SNX25: variants seen among roughly 807,000 people sequenced by gnomAD.
SNX25 encodes the protein sorting nexin-25.
In SNX25, 62 loss-of-function variants were observed where a neutral mutation model predicts 113.7. The ratio of observed to expected loss-of-function variants is 0.55; its 90% CI spans 0.44 to 0.67. The LOEUF (loss-of-function observed/expected upper bound fraction) is 0.67. Among genes scored for constraint, SNX25 ranks in the 30% least tolerant of loss-of-function variants. The probability of loss-of-function intolerance (pLI) is 0.00; values close to 1 mark genes in which losing one functional copy is unlikely to be tolerated. For synonymous variants in SNX25, 421 were observed against 436.2 expected, an observed-to-expected ratio of 0.97 and a Z score of 0.43; for missense variants, 1,014 against 1,161.0, an observed-to-expected ratio of 0.87 and a Z score of 1.84.
exon 1 of SNX25, chr4:185,204,291 A>G (rs925693842): frequency 2.0e-5 from 3 of 152,216 alleles, no homozygotes; most frequent in Admixed American, 6.5e-5. Flanking sequence ...TCGTGCGTTA[A>G]TAGGGAAAGC....
chr4:185,357,703 C>T lies in SNX25; in HGVS notation c.2617C>T (p.Leu873Phe), dbSNP rs1269557379. 3 of 1,613,906 alleles carry T rather than the reference C, an allele frequency of 1.9e-6. No homozygotes were observed. The highest frequency in any genetic ancestry group is 2.5e-6 in the Non-Finnish European group (3 of 1,179,990). Residue 873 changes from leucine (L) to phenylalanine (F), a missense_variant, in exon 16 of 19, where the codon CTC (leucine) becomes TTC (phenylalanine). Transcript: ENST00000652585. The part of the protein sequence containing the change: ...FKWVRRTLIA[L>F]VQVTFGRTIN... ...ATGGGTGAGAAGAACATTAATTGCC[C>T]TCGTTCAGGTCACTTTTGGAAGAAC...
At chr4:185,273,253 C>T (rs989960599) in intron 5 of SNX25, among the ~76,000 whole-genome samples, 1 of 152,144 alleles carries the variant, frequency 6.6e-6, no homozygotes, top group African/African-American at 2.4e-5. Context: ...AATAAAAATT[C>T]TGTATATTTA....
chr4:185,359,869 A>G (rs771649500), intron 16 of SNX25, among the ~76,000 whole-genome samples: 1 of 152,206 alleles, frequency 6.6e-6, no homozygotes, highest in Non-Finnish European at 1.5e-5. Context: ...ACAGGGATGG[A>G]GAAGAGGCAC....
intron 5 of SNX25, among the ~76,000 whole-genome samples, chr4:185,284,171 G>C (rs1209787094): frequency 5.9e-5 from 9 of 152,130 alleles, no homozygotes; most frequent in African/African-American, 1.4e-4. Flanking sequence ...GAAAAAAGTA[G>C]CATATCTTTA....
At position 185,210,513 on chromosome 4, in the gene SNX25, G is replaced by T. The variant is rs1401485818; in HGVS notation, c.429+258G>T. On this transcript the variant is annotated intron_variant, in intron 1 of 18. Coordinates refer to ENST00000652585, the MANE Select transcript of SNX25 (RefSeq NM_001378034.2). The surrounding 1 kb of genome is among the most constrained non-coding windows in gnomAD (Gnocchi z 4.4). ...TATTTACTGGGCTCTGTAGTCACTC[G>T]ACAACCATCCTCAGTCACAACCCTA... 6.6e-6 allele frequency among the ~76,000 whole-genome samples: 1 copy of T among 152,124 alleles called. No homozygotes were observed. The highest frequency in any genetic ancestry group is 2.4e-5 in the African/African-American group (1 of 41,448).
chr4:185,371,366 C>CT (rs1487981714), downstream of SNX25, among the ~76,000 whole-genome samples: 3 of 151,648 alleles, frequency 2.0e-5, no homozygotes, highest in African/African-American at 7.3e-5. Context: ...GGTGAAACCC[C>CT]GTCTCTACTA....
At chr4:185,236,317 T>G (rs1266321945) in intron 1 of SNX25, among the ~76,000 whole-genome samples, 1 of 151,988 alleles carries the variant, frequency 6.6e-6, no homozygotes, top group African/African-American at 2.4e-5. Flanking sequence ...GAGCCATGAC[T>G]GTGCCACTGC....
At chr4:185,314,856 CAAAA>C (rs35230364) in intron 7 of SNX25, among the ~76,000 whole-genome samples, 4 of 96,392 alleles carry the variant, frequency 4.1e-5, no homozygotes, top group East Asian at 2.9e-4. Flanking sequence ...GACTCTGTCT[CAAAA>C]AAAAAAAAAA....
At chr4:185,362,227 A>T in intron 17 of SNX25, 122 bp downstream of exon 17, 2 of 1,402,978 alleles carry the variant, frequency 1.4e-6, no homozygotes, top group South Asian at 3.6e-5. Context: ...AAAGGATCAT[A>T]CTCTTTTAAG....
intron 1 of SNX25, among the ~76,000 whole-genome samples, chr4:185,230,841 A>C (rs1318132872): frequency 6.6e-6 from 1 of 152,224 alleles, no homozygotes; most frequent in African/African-American, 2.4e-5. Context: ...GTGAATTAAG[A>C]ATATAAGGGA....
intron 1 of SNX25, among the ~76,000 whole-genome samples, chr4:185,222,414 TC>T (rs1317950598): frequency 1.3e-5 from 2 of 151,142 alleles, no homozygotes; most frequent in East Asian, 1.9e-4. Context: ...TACCCCTCCC[TC>T]TCGGTAGGTA....
downstream of SNX25, chr4:185,366,998 G>T: frequency 1.8e-6 from 1 of 562,028 alleles, no homozygotes; most frequent in Non-Finnish European, 3.1e-6. Flanking sequence ...TTGACCTTGT[G>T]TCTAGGTTTC....
intron 5 of SNX25, among the ~76,000 whole-genome samples, chr4:185,280,509 T>C (rs1750415397): frequency 1.3e-5 from 2 of 152,238 alleles, no homozygotes; most frequent in East Asian, 3.8e-4. Flanking sequence ...AATGTTGTGC[T>C]TTGTATATTT....
chr4:185,225,650 C>T (rs1404526556), intron 1 of SNX25, among the ~76,000 whole-genome samples: 1 of 152,128 alleles, frequency 6.6e-6, no homozygotes. Context: ...TGAAGTGAAT[C>T]CCTTAGTAAT....
intron 6 of SNX25, among the ~76,000 whole-genome samples, chr4:185,288,525 T>C (rs1343926574): frequency 1.3e-5 from 2 of 151,610 alleles, no homozygotes; most frequent in Non-Finnish European, 2.9e-5. Context: ...TTTAAGGAAT[T>C]ATAAAATCTT....
chr4:185,247,635 C>G (rs1046585785), intron 2 of SNX25, among the ~76,000 whole-genome samples: 4 of 152,132 alleles, frequency 2.6e-5, no homozygotes, highest in Non-Finnish European at 5.9e-5. Flanking sequence ...TCATATGAAG[C>G]ACAGATCTGT....
At chr4:185,212,491 G>GTT (rs61204525) in intron 1 of SNX25, among the ~76,000 whole-genome samples, 4 of 104,942 alleles carry the variant, frequency 3.8e-5, no homozygotes, top group African/African-American at 1.5e-4. Flanking sequence ...GTGTGTGTGT[G>GTT]TTTTTTTTTT....
rs2095377494 is a variant in SNX25 at position 185,363,947 on chromosome 4, C to G, written c.*482C>G. 6.5e-6 allele frequency: 1 copy of G among 153,320 alleles called. No individual in the cohort carries two copies. The highest frequency in any genetic ancestry group is 2.4e-5 in the African/African-American group (1 of 41,344). The allele number at this position is 153,320 out of a possible 1,614,324, so 9.5% of individuals were successfully genotyped here. A position where few individuals can be genotyped will look rare whatever the true frequency, so the allele number is the denominator to read the frequency against. On this transcript the variant is annotated 3_prime_UTR_variant, in exon 19 of 19. Coordinates refer to ENST00000652585, the MANE Select transcript of SNX25 (RefSeq NM_001378034.2). This position sits in a 1 kb window ranked among gnomAD's most constrained non-coding sequence, Gnocchi z 4.2. ...TTTCCCATAGTTTGAGCATTCAAAG[C>G]AATAAAATATAAAAATGAATCACAG...
chr4:185,324,379 A>G (rs1183148890), intron 9 of SNX25, among the ~76,000 whole-genome samples: 3 of 152,244 alleles, frequency 2.0e-5, no homozygotes, highest in African/African-American at 4.8e-5. Flanking sequence ...ATTTTGGAGA[A>G]TAAACCTGAG....
Sources: allele counts gnomAD v4.1 joint callset (sites outside exome capture counted in the v4.1 genomes callset), GRCh38; gene constraint gnomAD v4.1.1; non-coding constraint Gnocchi (gnomAD v3.1); transcripts MANE v1.5; gene names NCBI Gene and HGNC (gene_info 2026-07-23, HGNC 2026-07-21).